The following TPRG1 variants were observed in gnomAD, a reference collection of about 807,000 sequenced individuals.
TPRG1 encodes tumor protein p63-regulated gene 1 protein.
Under a neutral mutation model 29.3 loss-of-function variants are expected in TPRG1, and 29 were observed. That is an observed-to-expected ratio of 0.99 (90% CI 0.74 to 1.35). The LOEUF (loss-of-function observed/expected upper bound fraction) is 1.35, where lower values mean the gene tolerates loss of function less well. Among genes scored for constraint, TPRG1 ranks in the 40% most tolerant of loss-of-function variants. The pLI, the probability that TPRG1 is intolerant of heterozygous loss-of-function variation, is 0.00. For missense variants in TPRG1, 327 were observed against 335.0 expected, an observed-to-expected ratio of 0.98 and a Z score of 0.19; for synonymous variants, 130 against 116.8, an observed-to-expected ratio of 1.11 and a Z score of -0.73.
At chr3:189,228,953 G>A (rs1297378044) in intron 3 of TPRG1, among the ~76,000 whole-genome samples, 1 of 152,082 alleles carries the variant, frequency 6.6e-6, no homozygotes, top group Non-Finnish European at 1.5e-5. Context: ...CCATAAGTCA[G>A]TTATATTTTT....
intron 4 of TPRG1, among the ~76,000 whole-genome samples, chr3:189,148,932 T>C (rs2108593368): frequency 6.6e-6 from 1 of 152,304 alleles, no homozygotes; most frequent in Middle Eastern, 3.4e-3. Flanking sequence ...TGCCTTTGGG[T>C]AATGCCTAAG....
At chr3:189,106,539 A>G (rs1006288388) in intron 1 of TPRG1, among the ~76,000 whole-genome samples, 2 of 152,090 alleles carry the variant, frequency 1.3e-5, no homozygotes, top group Admixed American at 1.3e-4. Context: ...CCATTAGACT[A>G]TTAATTTTGG....
chr3:189,112,512 T>G (rs1158140227), intron 1 of TPRG1, among the ~76,000 whole-genome samples: 1 of 152,236 alleles, frequency 6.6e-6, no homozygotes, highest in East Asian at 1.9e-4. Context: ...GTTTTAGGTC[T>G]AACGTTTAAG....
intron 4 of TPRG1, among the ~76,000 whole-genome samples, chr3:189,059,306 G>A (rs1715933707): frequency 6.6e-6 from 1 of 152,098 alleles, no homozygotes; most frequent in African/African-American, 2.4e-5. Context: ...AAAAGTCTGT[G>A]AGAAGGCCAG....
chr3:189,200,786 G>A (rs1578789853), intron 1 of TPRG1, among the ~76,000 whole-genome samples: 2 of 152,202 alleles, frequency 1.3e-5, no homozygotes, highest in South Asian at 4.2e-4. Flanking sequence ...AACCATTCTG[G>A]GCCTCAGTTT....
intron 4 of TPRG1, among the ~76,000 whole-genome samples, chr3:189,059,515 C>T (rs2152143706): frequency 6.6e-6 from 1 of 151,952 alleles, no homozygotes; most frequent in Non-Finnish European, 1.5e-5. Context: ...CCGCTTGAAC[C>T]CAAGAGGTGG....
chr3:189,155,794 T>A (rs927453046), intron 5 of TPRG1, among the ~76,000 whole-genome samples: 1 of 152,176 alleles, frequency 6.6e-6, no homozygotes, highest in Admixed American at 6.5e-5. Flanking sequence ...ATTGAACTCA[T>A]AGAAGCAGAG....
chr3:189,079,749 T>A (rs956602164), intron 4 of TPRG1, among the ~76,000 whole-genome samples: 2 of 152,218 alleles, frequency 1.3e-5, no homozygotes, highest in African/African-American at 4.8e-5. Flanking sequence ...TCATTCAATC[T>A]TTATTGGCTT....
chr3:189,240,053 G>C (rs939588875), intron 4 of TPRG1, among the ~76,000 whole-genome samples: 1 of 152,152 alleles, frequency 6.6e-6, no homozygotes, highest in African/African-American at 2.4e-5. Context: ...ATTAGGACTA[G>C]CACATAGTAG....
chr3:189,159,431 C>T (rs577702840), intron 5 of TPRG1, among the ~76,000 whole-genome samples: 17 of 151,972 alleles, frequency 1.1e-4, no homozygotes, highest in Admixed American at 7.9e-4. Context: ...ATAATAGAGA[C>T]GGAGAATTGA....
chr3:189,089,106 G>GAAT (rs1718168495), intron 4 of TPRG1, among the ~76,000 whole-genome samples: 2 of 151,934 alleles, frequency 1.3e-5, no homozygotes, highest in South Asian at 4.2e-4. Context: ...AAGTCCAATT[G>GAAT]AATGATTACA....
chr3:189,011,353 A>G (rs1712590499), intron 3 of TPRG1, among the ~76,000 whole-genome samples: 1 of 152,234 alleles, frequency 6.6e-6, no homozygotes, highest in Non-Finnish European at 1.5e-5. Flanking sequence ...TACTTTGGGT[A>G]GGATAGCCAT....
intron 3 of TPRG1, among the ~76,000 whole-genome samples, chr3:189,022,024 T>C (rs374752031): frequency 5.3e-5 from 8 of 152,200 alleles, no homozygotes; most frequent in African/African-American, 1.4e-4. Context: ...TTGATCGCAT[T>C]GGCTCCTGAG....
At chr3:189,059,104 A>C (rs111432032) in intron 4 of TPRG1, among the ~76,000 whole-genome samples, 5,464 of 152,198 alleles carry the variant, frequency 0.036, 319 homozygotes, top group African/African-American at 0.13. Context: ...TATTTACCCT[A>C]GCGAGCCTCA....
At chr3:189,069,384 G>T (rs966319183) in intron 4 of TPRG1, among the ~76,000 whole-genome samples, 1 of 152,142 alleles carries the variant, frequency 6.6e-6, no homozygotes, top group African/African-American at 2.4e-5. Context: ...ACAGCAAAAA[G>T]GGAAACATGA....
At chr3:189,054,976 C>T (rs1014566525) in intron 4 of TPRG1, among the ~76,000 whole-genome samples, 1 of 152,154 alleles carries the variant, frequency 6.6e-6, no homozygotes, top group Non-Finnish European at 1.5e-5. Flanking sequence ...GTAAAAAATG[C>T]ACCATCTGCA....
chr3:189,011,647 C>T (rs769479161), intron 3 of TPRG1, among the ~76,000 whole-genome samples: 10 of 152,050 alleles, frequency 6.6e-5, no homozygotes, highest in Admixed American at 1.3e-4. Context: ...TGGGAAAGAC[C>T]GGCCCCCATG....
intron 2 of TPRG1, among the ~76,000 whole-genome samples, chr3:189,214,343 C>A (rs1240730751): frequency 6.6e-6 from 1 of 152,120 alleles, no homozygotes; most frequent in Non-Finnish European, 1.5e-5. Context: ...CAAAAAAATA[C>A]CCATGTTGTG....
At chr3:189,238,182 A>G (rs1739848703) in intron 3 of TPRG1, among the ~76,000 whole-genome samples, 1 of 152,140 alleles carries the variant, frequency 6.6e-6, no homozygotes, top group Non-Finnish European at 1.5e-5. Context: ...CTACATTTCT[A>G]CCACAAGGAT....
Sources: allele counts gnomAD v4.1 joint callset (sites outside exome capture counted in the v4.1 genomes callset), GRCh38; gene constraint gnomAD v4.1.1; transcripts MANE v1.5; gene names NCBI Gene and HGNC (gene_info 2026-07-23, HGNC 2026-07-21).